The following NLGN1 variants were observed in gnomAD, a reference collection of about 807,000 sequenced individuals.
NLGN1 encodes neuroligin 1.
A neutral mutation model predicts 65.5 loss-of-function variants in NLGN1; 12 were observed. That is an observed-to-expected ratio of 0.18 (90% CI 0.12 to 0.30). NLGN1 has a LOEUF of 0.30. Among genes scored for constraint, NLGN1 ranks in the 10% least tolerant of loss-of-function variants. NLGN1 has a pLI of 1.00. For synonymous variants in NLGN1, 350 were observed against 359.5 expected (o/e 0.97, Z 0.30); for missense variants, 750 against 1,007.1 (o/e 0.74, Z 3.46).
At chr3:173,539,093 G>C (rs1737970986) in intron 2 of NLGN1, among the ~76,000 whole-genome samples, 1 of 152,012 alleles carries the variant, frequency 6.6e-6, no homozygotes, top group Non-Finnish European at 1.5e-5. Context: ...CCACTGGGAG[G>C]ATTTCCTTCA....
At chr3:173,980,571 G>A (rs1486215769) in intron 4 of NLGN1, among the ~76,000 whole-genome samples, 1 of 151,778 alleles carries the variant, frequency 6.6e-6, no homozygotes. Context: ...TTGTTGGATT[G>A]TTTCCTTAGG....
chr3:174,047,172 T>C (rs1004706487), intron 4 of NLGN1, among the ~76,000 whole-genome samples: 4 of 152,038 alleles, frequency 2.6e-5, no homozygotes, highest in African/African-American at 7.2e-5. Flanking sequence ...AATTTTACCA[T>C]AATTCACCAT....
chr3:174,164,224 A>G (rs536571145), intron 4 of NLGN1, among the ~76,000 whole-genome samples: 87 of 151,830 alleles, frequency 5.7e-4, no homozygotes, highest in Non-Finnish European at 8.3e-4. Context: ...TTTGTTGGCT[A>G]CTTGTATGTC....
intron 4 of NLGN1, among the ~76,000 whole-genome samples, chr3:174,038,202 T>G (rs1174297118): frequency 6.6e-6 from 1 of 152,188 alleles, no homozygotes; most frequent in Non-Finnish European, 1.5e-5. Flanking sequence ...CTCACTCAGC[T>G]TCTATGAGCA....
At chr3:173,424,808 C>T (rs970525990) in intron 1 of NLGN1, among the ~76,000 whole-genome samples, 1 of 152,202 alleles carries the variant, frequency 6.6e-6, no homozygotes. Flanking sequence ...CCATATCCTC[C>T]TGCCTTCTGC....
At chr3:174,027,625 A>G (rs1169314375) in intron 4 of NLGN1, among the ~76,000 whole-genome samples, 1 of 152,196 alleles carries the variant, frequency 6.6e-6, no homozygotes, top group East Asian at 1.9e-4. Flanking sequence ...TAGTCACACT[A>G]TATAAGACAG....
intron 2 of NLGN1, among the ~76,000 whole-genome samples, chr3:173,553,648 C>T (rs938745192): frequency 3.9e-5 from 6 of 152,132 alleles, no homozygotes; most frequent in Admixed American, 2.6e-4. Context: ...CAAGGAATAA[C>T]AAATGCCTGT....
chr3:173,779,232 C>G (rs1780769149), intron 3 of NLGN1, among the ~76,000 whole-genome samples: 1 of 151,776 alleles, frequency 6.6e-6, no homozygotes, highest in Non-Finnish European at 1.5e-5. Context: ...AATAATATTT[C>G]TAGGAAATAA....
At chr3:173,505,465 A>G (rs982401346) in intron 2 of NLGN1, among the ~76,000 whole-genome samples, 1 of 152,120 alleles carries the variant, frequency 6.6e-6, no homozygotes, top group Non-Finnish European at 1.5e-5. Context: ...TGTTTAATAT[A>G]GCCCATAATG....
At chr3:174,236,424 G>T (rs1035350020) in intron 4 of NLGN1, among the ~76,000 whole-genome samples, 3 of 151,730 alleles carry the variant, frequency 2.0e-5, no homozygotes, top group African/African-American at 7.3e-5. Context: ...GTATTTCTAA[G>T]AGTCTTATGT....
At chr3:173,698,147 G>T (rs1766519638) in intron 3 of NLGN1, among the ~76,000 whole-genome samples, 1 of 151,774 alleles carries the variant, frequency 6.6e-6, no homozygotes, top group Admixed American at 6.6e-5. Flanking sequence ...TCACTGTTCT[G>T]TTGCAGAAGA....
chr3:173,883,792 G>A (rs1236894646), intron 4 of NLGN1, among the ~76,000 whole-genome samples: 3 of 118,772 alleles, frequency 2.5e-5, no homozygotes, highest in Non-Finnish European at 5.5e-5. Context: ...TGTTTTATTA[G>A]TTTTGATTAA....
At chr3:173,628,811 A>G (rs532575919) in intron 3 of NLGN1, among the ~76,000 whole-genome samples, 14 of 151,980 alleles carry the variant, frequency 9.2e-5, no homozygotes, top group South Asian at 4.1e-4. Context: ...CTCCTAGCTC[A>G]GTCTCCCTAA....
chr3:174,294,089 CACAA>C, the NLGN1 span, among the ~76,000 whole-genome samples: 28 of 151,544 alleles, frequency 1.8e-4, no homozygotes, highest in East Asian at 7.8e-4. Context: ...ATTTACATTC[CACAA>C]ACAGTGTATT....
chr3:174,234,897 C>CATTTTATTT (rs1306334628), intron 4 of NLGN1, among the ~76,000 whole-genome samples: 1 of 144,722 alleles, frequency 6.9e-6, no homozygotes, highest in Non-Finnish European at 1.5e-5. Flanking sequence ...CTTTTTCCAA[C>CATTTTATTT]ATTTTATTTT....
At chr3:174,291,842 C>T in the NLGN1 span, among the ~76,000 whole-genome samples, 2 of 150,982 alleles carry the variant, frequency 1.3e-5, no homozygotes, top group Non-Finnish European at 3.0e-5. Context: ...TAAATGAGGG[C>T]TATATGGTGG....
intron 3 of NLGN1, among the ~76,000 whole-genome samples, chr3:173,626,163 T>C (rs1027916599): frequency 6.6e-6 from 1 of 152,016 alleles, no homozygotes; most frequent in African/African-American, 2.4e-5. Flanking sequence ...GAAACATGGC[T>C]AATGTGACTG....
intron 2 of NLGN1, among the ~76,000 whole-genome samples, chr3:173,438,026 T>C (rs192489548): frequency 1.6e-4 from 25 of 152,242 alleles, no homozygotes; most frequent in Admixed American, 3.9e-4. Flanking sequence ...CTTTGGATTT[T>C]TTTTTAACAT....
chr3:173,626,142 A>G (rs1754790632), intron 3 of NLGN1, among the ~76,000 whole-genome samples: 2 of 152,044 alleles, frequency 1.3e-5, no homozygotes, highest in African/African-American at 2.4e-5. Context: ...CCATGTAGCT[A>G]TCAAGCGCTT....
Sources: allele counts gnomAD v4.1 joint callset (sites outside exome capture counted in the v4.1 genomes callset), GRCh38; gene constraint gnomAD v4.1.1; transcripts MANE v1.5; gene names NCBI Gene and HGNC (gene_info 2026-07-23, HGNC 2026-07-21).